Variants in ANK2 observed in about 807,000 individuals in gnomAD.
ANK2 encodes ankyrin-2.
ANK2 carries 83 observed loss-of-function variants against 360.5 expected under a neutral mutation model. That is an observed-to-expected ratio of 0.23 (90% CI 0.19 to 0.28). The LOEUF is 0.28. Ranked by LOEUF, ANK2 falls within the 10% of genes least tolerant of loss-of-function variation. The pLI is 1.00. For synonymous variants in ANK2, 1,740 were observed against 1,759.5 expected (o/e 0.99, Z 0.28); for missense variants, 4,201 against 4,795.7 (o/e 0.88, Z 3.66).
In ANK2 at chr4:112,845,963, G is replaced by A. The variant is rs938614022; in HGVS notation, c.-40+27699G>A. On this transcript the variant is annotated intron_variant, in intron 1 of 30. Coordinates refer to the ANK2 transcript ENST00000503271. The stretch of plus-strand genomic sequence containing the variant: ...GACAGTAAATACATCCTCTTATTTG[G>A]TTTCTAATTCCTTTGAGTTACCATG... Among the ~76,000 whole-genome samples the A allele has an allele frequency of 2.0e-5, 3 of 152,086 alleles. 1 individual carries two copies. In the South Asian group the frequency reaches 6.2e-4, roughly 31 times the overall value.
chr4:113,378,590 G>T (rs1289280667), intron 45 of ANK2, among the ~76,000 whole-genome samples: 1 of 152,170 alleles, frequency 6.6e-6, no homozygotes, highest in Non-Finnish European at 1.5e-5. Flanking sequence ...TCATTACTTT[G>T]AATGGTATGT....
chr4:112,787,914 C>G, the ANK2 span, among the ~76,000 whole-genome samples: 1 of 152,170 alleles, frequency 6.6e-6, no homozygotes, highest in African/African-American at 2.4e-5. Context: ...AAGCCTGTCT[C>G]AAATGCCGCA....
chr4:112,872,278 C>T (rs1027888113), intron 1 of ANK2, among the ~76,000 whole-genome samples: 13 of 152,074 alleles, frequency 8.5e-5, no homozygotes, highest in Middle Eastern at 3.4e-3. Flanking sequence ...GATCCTCCTG[C>T]CTTGGCTTCC....
chr4:113,207,381 AT>A (rs2098964606), intron 4 of ANK2, among the ~76,000 whole-genome samples: 1 of 152,222 alleles, frequency 6.6e-6, no homozygotes, highest in African/African-American at 2.4e-5. Flanking sequence ...GTCCAATGTT[AT>A]TGCATTTTAA....
At chr4:113,365,551 T>A (rs919412589) in intron 41 of ANK2, among the ~76,000 whole-genome samples, 1 of 152,134 alleles carries the variant, frequency 6.6e-6, no homozygotes, top group Admixed American at 6.6e-5. Context: ...ATTTCCTCTT[T>A]TACTTCTGCA....
chr4:112,926,118 G>C (rs1407912000), intron 2 of ANK2, among the ~76,000 whole-genome samples: 1 of 152,180 alleles, frequency 6.6e-6, no homozygotes, highest in Non-Finnish European at 1.5e-5. Context: ...GTTTTCAGTA[G>C]TGTCAGGGAG....
intron 11 of ANK2, among the ~76,000 whole-genome samples, chr4:113,256,855 A>T (rs368355575): frequency 6.6e-6 from 1 of 152,234 alleles, no homozygotes. Flanking sequence ...TTTCCAGATT[A>T]TATGTAATTA....
intron 2 of ANK2, among the ~76,000 whole-genome samples, chr4:112,938,641 T>G (rs1324835355): frequency 6.6e-6 from 1 of 152,184 alleles, no homozygotes; most frequent in East Asian, 1.9e-4. Context: ...AAATTTTTAT[T>G]CGGCTCAATC....
intron 42 of ANK2, among the ~76,000 whole-genome samples, chr4:113,369,297 A>T (rs540305104): frequency 3.3e-5 from 5 of 152,254 alleles, no homozygotes; most frequent in Non-Finnish European, 5.9e-5. Flanking sequence ...TAGAATAATA[A>T]CATCACTCTC....
In ANK2 at chr4:113,178,347, A is replaced by G. The variant is rs572148592; in HGVS notation, c.186+3830A>G. Among the ~76,000 whole-genome samples, 4 of 152,190 alleles carry G rather than the reference A, an allele frequency of 2.6e-5. No homozygotes were observed. The South Asian group carries it at 8.3e-4, about 32-fold the overall frequency. ...CTTTGGGAGGCCAGGAGGTGGGTGG[A>G]TTGCCTGAGATCAGGAGTTCGAGAC... On this transcript the variant is annotated intron_variant, in intron 2 of 45. Transcript: ENST00000357077.
At chr4:113,161,800 T>C (rs987412069) in intron 1 of ANK2, among the ~76,000 whole-genome samples, 4 of 152,060 alleles carry the variant, frequency 2.6e-5, no homozygotes, top group Admixed American at 2.0e-4. Flanking sequence ...TTAAATATGT[T>C]GATGGGTCAG....
chr4:112,912,616 A>G (rs1205883626), intron 2 of ANK2, among the ~76,000 whole-genome samples: 1 of 152,166 alleles, frequency 6.6e-6, no homozygotes, highest in Non-Finnish European at 1.5e-5. Context: ...AGAGCTTAAT[A>G]GAGGATAGCC....
chr4:113,148,365 A>G (rs1398279315), intron 1 of ANK2, among the ~76,000 whole-genome samples: 1 of 152,192 alleles, frequency 6.6e-6, no homozygotes, highest in African/African-American at 2.4e-5. Flanking sequence ...CGATGCTTTA[A>G]TATAGACATT....
chr4:113,084,873 G>A (rs564487024), intron 1 of ANK2, among the ~76,000 whole-genome samples: 5 of 152,256 alleles, frequency 3.3e-5, no homozygotes, highest in South Asian at 4.1e-4. Flanking sequence ...TGCCATTTTA[G>A]CCTCTCAATG....
intron 13 of ANK2, 125 bp downstream of exon 13, chr4:113,258,536 C>G: frequency 1.2e-6 from 1 of 865,244 alleles, no homozygotes; most frequent in Non-Finnish European, 1.9e-6. Flanking sequence ...GAGAAGGGCC[C>G]TTGTAATAAC....
At position 112,873,550 on chromosome 4, in the gene ANK2, T is replaced by C. The variant is rs867799599; in HGVS notation, c.-39-30905T>C. Among the ~76,000 whole-genome samples, 1,315 of 151,196 alleles carry C rather than the reference T, an allele frequency of 8.7e-3. 11 individuals carry two copies. The highest frequency in any genetic ancestry group is 0.021 in the African/African-American group (864 of 41,370). ...GGTTTCTTTTTCTTTCTTTTTTTTT[T>C]TTTTGAGATGGAGTCCCGCTCTGTT... is the stretch of plus-strand genomic sequence containing the variant. On this transcript the variant is annotated intron_variant, in intron 1 of 30. Transcript: ENST00000503271.
At chr4:112,950,336 A>G (rs1270234643) in intron 2 of ANK2, among the ~76,000 whole-genome samples, 1 of 152,222 alleles carries the variant, frequency 6.6e-6, no homozygotes, top group African/African-American at 2.4e-5. Context: ...GTATTTTCCT[A>G]TTGTATTAAG....
Position 113,333,087 on chromosome 4 carries a change from C to T in ANK2, c.3258C>T (p.Ala1086=), listed in dbSNP as rs2153942399. Residue 1086 remains alanine, a synonymous_variant, in exon 29 of 46, where the codon GCC becomes GCT. Coordinates refer to ENST00000357077, the MANE Select transcript of ANK2 (RefSeq NM_001148.6). ...TCGTGGAGATCCCTCACTTTGCGGC[C>T]CTTCGAGGAAAGGAAAGGGAACTGG... is the stretch of plus-strand genomic sequence containing the variant. ...PVIVEIPHFA[A]LRGKERELVV... is the part of the protein sequence containing the mutation. The T allele has an allele frequency of 6.2e-7, 1 of 1,614,104 alleles. No individual in the cohort carries two copies. The highest frequency in any genetic ancestry group is 1.1e-5 in the South Asian group (1 of 91,078).
chr4:113,206,789 T>C (rs1266808012), intron 4 of ANK2, among the ~76,000 whole-genome samples: 1 of 152,184 alleles, frequency 6.6e-6, no homozygotes, highest in Non-Finnish European at 1.5e-5. Context: ...TTTGGGAGAC[T>C]GAGGTGGGTG....
Sources: allele counts gnomAD v4.1 joint callset (sites outside exome capture counted in the v4.1 genomes callset), GRCh38; gene constraint gnomAD v4.1.1; transcripts MANE v1.5; gene names NCBI Gene and HGNC (gene_info 2026-07-23, HGNC 2026-07-21).